Variants in SLC4A10 observed in about 807,000 individuals in gnomAD.
SLC4A10 encodes sodium-driven chloride bicarbonate exchanger.
In SLC4A10, 42 loss-of-function variants were observed where a neutral mutation model predicts 137.7. The observed-to-expected ratio is 0.30, with a 90% confidence interval of 0.24 to 0.39. The LOEUF (loss-of-function observed/expected upper bound fraction) is 0.39. Ranked by LOEUF, SLC4A10 falls within the 10% of genes least tolerant of loss-of-function variation. SLC4A10 has a pLI of 1.00. For missense variants in SLC4A10, 925 were observed against 1,355.0 expected, an observed-to-expected ratio of 0.68 and a Z score of 4.98; for synonymous variants, 474 against 464.1, an observed-to-expected ratio of 1.02 and a Z score of -0.27.
intron 1 of SLC4A10, among the ~76,000 whole-genome samples, chr2:161,746,694 C>G (rs2048419669): frequency 6.6e-6 from 1 of 152,108 alleles, no homozygotes; most frequent in African/African-American, 2.4e-5. Context: ...TGCTGGGTTA[C>G]ACCTGAAGCT....
At chr2:161,630,328 G>T (rs556810237) in intron 1 of SLC4A10, among the ~76,000 whole-genome samples, 15 of 151,842 alleles carry the variant, frequency 9.9e-5, no homozygotes, top group African/African-American at 3.6e-4. Context: ...TTTGGTATTA[G>T]GGTGATGGCC....
In SLC4A10 at chr2:161,712,946, T is replaced by C. The variant is rs142546923; in HGVS notation, c.49-58027T>C. ...GGGCAAGGATATAAAAGTCTGTAGG[T>C]CTCTGCCTTCAGGAGGTCACAGGTA... On this transcript the variant is annotated intron_variant, in intron 1 of 26. Transcript: ENST00000446997. 5.2e-4 allele frequency among the ~76,000 whole-genome samples: 79 copies of C among 151,982 alleles called. 2 individuals are homozygous for C. In the East Asian group the frequency reaches 0.015, roughly 28 times the overall value.
intron 1 of SLC4A10, among the ~76,000 whole-genome samples, chr2:161,627,846 C>G (rs1230767678): frequency 6.6e-6 from 1 of 152,024 alleles, no homozygotes; most frequent in Non-Finnish European, 1.5e-5. Flanking sequence ...TACTGTTGGC[C>G]AAACACATTC....
At chr2:161,825,158 G>T (rs2057932291) in intron 3 of SLC4A10, among the ~76,000 whole-genome samples, 2 of 152,150 alleles carry the variant, frequency 1.3e-5, no homozygotes, top group South Asian at 4.1e-4. Context: ...TAGGCTATTA[G>T]TAGTTAAGTT....
chr2:161,948,260 C>T (rs1694179131), intron 17 of SLC4A10, among the ~76,000 whole-genome samples: 1 of 151,350 alleles, frequency 6.6e-6, no homozygotes, highest in African/African-American at 2.4e-5. Flanking sequence ...CTGATTCCGC[C>T]AAAAAAAATT....
chr2:161,929,852 GA>G (rs765907423), intron 15 of SLC4A10, among the ~76,000 whole-genome samples: 13 of 150,098 alleles, frequency 8.7e-5, no homozygotes, highest in African/African-American at 2.4e-4. Context: ...AATTTATACA[GA>G]AAAAAAAATC....
Position 161,808,852 on chromosome 2 carries a change from G to A in SLC4A10, c.277+4257G>A, listed in dbSNP as rs539082610. On this transcript the variant is annotated intron_variant, in intron 3 of 26. Transcript: ENST00000446997. ...TAGTTGATTCCATGTCTTTGCTATG[G>A]TGAATAACACTGCAGTGAACATACC... Among the ~76,000 whole-genome samples, 18 of 152,212 alleles carry A rather than the reference G, an allele frequency of 1.2e-4. No homozygotes were observed. In the East Asian group the frequency reaches 2.9e-3, roughly 24 times the overall value.
chr2:161,672,308 G>C (rs2039817240), intron 1 of SLC4A10, among the ~76,000 whole-genome samples: 1 of 152,012 alleles, frequency 6.6e-6, no homozygotes, highest in African/African-American at 2.4e-5. Context: ...TTACAAACTT[G>C]AGAAATATCT....
chr2:161,708,715 G>T, intron 1 of SLC4A10: 1 of 1,527,628 alleles, frequency 6.5e-7, no homozygotes, highest in East Asian at 2.5e-5. Flanking sequence ...CTGAGACATA[G>T]AGATGGCTGT....
chr2:161,651,186 C>A (rs1199360930), intron 1 of SLC4A10: 2 of 152,506 alleles, frequency 1.3e-5, no homozygotes, highest in Non-Finnish European at 2.9e-5. Flanking sequence ...CATTTTGGGA[C>A]TCCTCGCCTG....
chr2:161,628,489 A>T (rs1405717717), intron 1 of SLC4A10, among the ~76,000 whole-genome samples: 1 of 152,072 alleles, frequency 6.6e-6, no homozygotes, highest in East Asian at 1.9e-4. Flanking sequence ...TTATTTGTGG[A>T]AAAAAGTTAT....
intron 1 of SLC4A10, among the ~76,000 whole-genome samples, chr2:161,635,017 T>G (rs1304080643): frequency 6.6e-6 from 1 of 152,114 alleles, no homozygotes; most frequent in Non-Finnish European, 1.5e-5. Flanking sequence ...TTTCTGATTA[T>G]AAGCTCTATC....
At chr2:161,692,112 AAAAAG>A (rs1361531372) in intron 1 of SLC4A10, among the ~76,000 whole-genome samples, 7 of 152,042 alleles carry the variant, frequency 4.6e-5, no homozygotes, top group South Asian at 2.1e-4. Context: ...AAAGAAAAGA[AAAAAG>A]AAAAGAAAAG....
intron 1 of SLC4A10, among the ~76,000 whole-genome samples, chr2:161,644,727 A>T (rs769910349): frequency 2.6e-5 from 4 of 152,170 alleles, no homozygotes; most frequent in Admixed American, 6.5e-5. Context: ...ATAACCTTTG[A>T]AATAGTGTTT....
At chr2:161,748,203 T>G (rs975175852) in intron 1 of SLC4A10, among the ~76,000 whole-genome samples, 3 of 152,114 alleles carry the variant, frequency 2.0e-5, no homozygotes, top group Admixed American at 6.6e-5. Flanking sequence ...TTTCAAATAT[T>G]TTCTCCCATC....
intron 1 of SLC4A10, among the ~76,000 whole-genome samples, chr2:161,694,168 T>C (rs2042265264): frequency 6.6e-6 from 1 of 152,054 alleles, no homozygotes; most frequent in Non-Finnish European, 1.5e-5. Flanking sequence ...CCTGATATCA[T>C]AGTTGCTTAG....
intron 15 of SLC4A10, among the ~76,000 whole-genome samples, chr2:161,927,451 A>T (rs1172522078): frequency 6.6e-6 from 1 of 152,096 alleles, no homozygotes; most frequent in Non-Finnish European, 1.5e-5. Context: ...ATTTCAGGAC[A>T]TAGGCATGGG....
chr2:161,769,253 C>T (rs2051272257), intron 1 of SLC4A10, among the ~76,000 whole-genome samples: 2 of 151,934 alleles, frequency 1.3e-5, no homozygotes, highest in African/African-American at 4.8e-5. Flanking sequence ...TGTTATATTC[C>T]TTCCATTGTT....
chr2:161,900,106 T>C (rs1252128279), intron 11 of SLC4A10, among the ~76,000 whole-genome samples: 4 of 152,216 alleles, frequency 2.6e-5, no homozygotes, highest in East Asian at 3.9e-4. Context: ...TTTGAACACA[T>C]TGGTGTGCTC....
Sources: allele counts gnomAD v4.1 joint callset (sites outside exome capture counted in the v4.1 genomes callset), GRCh38; gene constraint gnomAD v4.1.1; transcripts MANE v1.5; gene names NCBI Gene and HGNC (gene_info 2026-07-23, HGNC 2026-07-21).